PSD3: variants seen among roughly 807,000 people sequenced by gnomAD.
PSD3 encodes pleckstrin and Sec7 domain containing 3.
In PSD3, 49 loss-of-function variants were observed where a neutral mutation model predicts 105.5. The ratio of observed to expected loss-of-function variants is 0.46; its 90% CI spans 0.37 to 0.59. The LOEUF (loss-of-function observed/expected upper bound fraction) is 0.59, where lower values mean the gene tolerates loss of function less well. Ranked by LOEUF, PSD3 falls within the 20% of genes least tolerant of loss-of-function variation. The pLI, the probability that PSD3 is intolerant of heterozygous loss-of-function variation, is 0.00. For synonymous variants in PSD3, 557 were observed against 457.8 expected (o/e 1.22, Z -2.77); for missense variants, 1,561 against 1,263.8 (o/e 1.24, Z -3.57).
chr8:18,643,171 T>A (rs1807776270), intron 10 of PSD3, among the ~76,000 whole-genome samples: 1 of 152,034 alleles, frequency 6.6e-6, no homozygotes, highest in Admixed American at 6.6e-5. Flanking sequence ...TGCTACATCA[T>A]CCCATTGTGG....
intron 9 of PSD3, among the ~76,000 whole-genome samples, chr8:18,679,753 C>T (rs775503461): frequency 6.6e-6 from 1 of 152,114 alleles, no homozygotes; most frequent in Admixed American, 6.5e-5. Flanking sequence ...ACCAACAGGC[C>T]AATGTTTCAC....
chr8:18,870,598 G>A (rs1454900368), intron 3 of PSD3, among the ~76,000 whole-genome samples: 1 of 151,522 alleles, frequency 6.6e-6, no homozygotes, highest in African/African-American at 2.4e-5. Flanking sequence ...GTTGATGGGT[G>A]CAGCAAACCA....
intron 9 of PSD3, among the ~76,000 whole-genome samples, chr8:18,678,640 C>T (rs569470734): frequency 3.3e-5 from 5 of 152,266 alleles, no homozygotes; most frequent in East Asian, 1.9e-4. Context: ...GGAGAAACTC[C>T]GTCACTATTA....
intron 1 of PSD3, among the ~76,000 whole-genome samples, chr8:18,962,904 A>G (rs1824009588): frequency 6.6e-6 from 1 of 152,336 alleles, no homozygotes. Flanking sequence ...TGGAACCAAG[A>G]TATGCCATGG....
At chr8:18,653,869 G>C (rs754129585) in intron 10 of PSD3, among the ~76,000 whole-genome samples, 1 of 151,866 alleles carries the variant, frequency 6.6e-6, no homozygotes, top group Non-Finnish European at 1.5e-5. Context: ...CTCTTGCCCA[G>C]AGTGAATATG....
intron 1 of PSD3, among the ~76,000 whole-genome samples, chr8:19,032,657 A>AG (rs1388914855): frequency 1.5e-4 from 23 of 152,036 alleles, no homozygotes; most frequent in African/African-American, 4.8e-4. Context: ...CTCAAAAAAA[A>AG]AAAAAAAAAA....
intron 9 of PSD3, among the ~76,000 whole-genome samples, chr8:18,754,070 A>T (rs1045671913): frequency 6.6e-6 from 1 of 152,280 alleles, no homozygotes; most frequent in South Asian, 2.1e-4. Context: ...AAACTGAGAA[A>T]ACAATTGTTT....
chr8:19,003,708 C>A (rs76113926), intron 1 of PSD3, among the ~76,000 whole-genome samples: 1 of 145,558 alleles, frequency 6.9e-6, no homozygotes, highest in Non-Finnish European at 1.5e-5. Flanking sequence ...GTGAGCCTGG[C>A]TTAAATTTTT....
chr8:18,974,981 G>A (rs979143546), intron 1 of PSD3, among the ~76,000 whole-genome samples: 1 of 152,116 alleles, frequency 6.6e-6, no homozygotes, highest in Non-Finnish European at 1.5e-5. Context: ...TGGCATTGGA[G>A]AAAGAGAAAA....
At chr8:18,987,551 A>T (rs933431559) in intron 1 of PSD3, among the ~76,000 whole-genome samples, 1 of 151,980 alleles carries the variant, frequency 6.6e-6, no homozygotes, top group African/African-American at 2.4e-5. Context: ...CCTCCCAAAA[A>T]TCTCTGCCTG....
intron 4 of PSD3, among the ~76,000 whole-genome samples, chr8:18,836,446 AAC>A (rs1814114602): frequency 6.6e-6 from 1 of 152,200 alleles, no homozygotes; most frequent in African/African-American, 2.4e-5. Flanking sequence ...CTCAAACACA[AAC>A]ACACAGAGGT....
At chr8:18,992,974 T>C (rs1173987945) in intron 1 of PSD3, among the ~76,000 whole-genome samples, 3 of 152,190 alleles carry the variant, frequency 2.0e-5, no homozygotes, top group Non-Finnish European at 4.4e-5. Flanking sequence ...ACGCAATTTA[T>C]TACAAAATCA....
upstream of PSD3, chr8:19,084,795 C>A (rs571315332): frequency 4.8e-5 from 12 of 251,050 alleles, no homozygotes; most frequent in African/African-American, 2.7e-4. Context: ...GAGGTCCCAG[C>A]CTGCCAAGAG....
chr8:19,074,557 G>T (rs1829383511), intron 1 of PSD3, among the ~76,000 whole-genome samples: 1 of 131,464 alleles, frequency 7.6e-6, no homozygotes, highest in Non-Finnish European at 1.6e-5. Flanking sequence ...TTATGACTTT[G>T]AATAAAAGGT....
intron 4 of PSD3, among the ~76,000 whole-genome samples, chr8:18,815,546 A>G (rs1031701561): frequency 6.6e-5 from 10 of 152,096 alleles, no homozygotes; most frequent in Admixed American, 5.9e-4. Flanking sequence ...CCTGGCCTCA[A>G]GTGATCTCTC....
At chr8:18,579,765 C>A in intron 12 of PSD3, among the ~76,000 whole-genome samples, 1 of 151,916 alleles carries the variant, frequency 6.6e-6, no homozygotes, top group Non-Finnish European at 1.5e-5. Context: ...GGAAAATGAC[C>A]AAATTGTAAT....
intron 9 of PSD3, among the ~76,000 whole-genome samples, chr8:18,702,762 G>A (rs544137365): frequency 5.5e-4 from 84 of 152,006 alleles, no homozygotes; most frequent in Admixed American, 8.5e-4. Flanking sequence ...ACCGGTGCCC[G>A]CCATCACGCC....
At chr8:18,913,088 C>A (rs1217527293) in intron 2 of PSD3, among the ~76,000 whole-genome samples, 4 of 73,772 alleles carry the variant, frequency 5.4e-5, no homozygotes, top group African/African-American at 1.3e-4. Context: ...CACACACAAA[C>A]ACACACACAC....
At chr8:18,913,482 C>T (rs972917963) in intron 2 of PSD3, among the ~76,000 whole-genome samples, 2 of 152,130 alleles carry the variant, frequency 1.3e-5, no homozygotes, top group Admixed American at 6.5e-5. Context: ...GACCCAGAAA[C>T]CAGTCTGGCC....
Sources: gnomAD v4.1 joint callset for allele counts (sites outside exome capture counted in the v4.1 genomes callset) on GRCh38, gnomAD v4.1.1 for gene constraint, MANE v1.5 for transcripts, NCBI Gene and HGNC (gene_info 2026-07-23, HGNC 2026-07-21) for gene names.